COLQ: variants seen among roughly 807,000 people sequenced by gnomAD.
The protein encoded by COLQ is acetylcholinesterase collagenic tail peptide.
In COLQ, 48 loss-of-function variants were observed where a neutral mutation model predicts 69.0. The observed-to-expected ratio is 0.70, with a 90% CI of 0.55 to 0.88. The LOEUF (loss-of-function observed/expected upper bound fraction) is 0.88. COLQ is among the 40% of genes least tolerant of loss of function. The probability of loss-of-function intolerance (pLI) is 0.00; values close to 1 mark genes in which losing one functional copy is unlikely to be tolerated. For synonymous variants in COLQ, 217 were observed against 211.2 expected (o/e 1.03, Z -0.24); for missense variants, 618 against 594.6 (o/e 1.04, Z -0.41).
intron 15 of COLQ, 45 bp from the exon 16 acceptor site, chr3:15,453,976 G>C (rs75838637): frequency 2.9e-6 from 4 of 1,380,850 alleles, no homozygotes; most frequent in Non-Finnish European, 3.0e-6. Flanking sequence ...GAGCAGAGGC[G>C]ATAGGCTTGC....
chr3:15,489,025 T>C (rs1010378163), intron 2 of COLQ, among the ~76,000 whole-genome samples: 1 of 152,236 alleles, frequency 6.6e-6, no homozygotes, highest in Non-Finnish European at 1.5e-5. Context: ...CTAATCTTGC[T>C]CTTTTCCTCA....
Position 15,474,958 on chromosome 3 carries a change from G to T in COLQ, c.529-7C>A, listed in dbSNP as rs1158869923. On this transcript the variant is annotated splice_region_variant and splice_polypyrimidine_tract_variant and intron_variant, in intron 7 of 16. Transcript: ENST00000383788. Reference sequence around the variant, plus strand: ...CTCTGGATCCAGGGTAGCCCTAAAAGAAAGCAGAAGGTACATTTACAATCA... The same window carrying T: ...CTCTGGATCCAGGGTAGCCCTAAAATAAAGCAGAAGGTACATTTACAATCA... 2 of 1,614,108 alleles carry T rather than the reference G, an allele frequency of 1.2e-6. No individual in the cohort carries two copies. Among genetic ancestry groups the T allele is most frequent in the Admixed American group, 3.3e-5 (2 of 60,030 alleles).
intron 1 of COLQ, among the ~76,000 whole-genome samples, chr3:15,501,759 C>T (rs1452521470): frequency 6.6e-6 from 1 of 152,210 alleles, no homozygotes; most frequent in Non-Finnish European, 1.5e-5. Flanking sequence ...ACCTGGTCTG[C>T]CTTCAGCAAG....
At chr3:15,459,544 T>C (rs1016940200) in intron 12 of COLQ, among the ~76,000 whole-genome samples, 3 of 149,888 alleles carry the variant, frequency 2.0e-5, no homozygotes, top group African/African-American at 7.4e-5. Context: ...AGTGGTGTAA[T>C]CTCAGCTCAC....
intron 1 of COLQ, among the ~76,000 whole-genome samples, chr3:15,521,271 G>A (rs1349747823): frequency 3.3e-5 from 5 of 152,204 alleles, no homozygotes; most frequent in African/African-American, 1.2e-4. Context: ...GAGAATAGGG[G>A]AGGCAGAAAC....
Position 15,451,481 on chromosome 3 carries a change from T to G in COLQ, c.*163A>C. 1 of 765,684 alleles carries G rather than the reference T, an allele frequency of 1.3e-6. No homozygotes were observed. Among genetic ancestry groups the G allele is most frequent in the Non-Finnish European group, 2.4e-6 (1 of 419,674 alleles). 47.4% of individuals were successfully genotyped at this position (765,684 alleles called of 1,614,324 possible). A position where few individuals can be genotyped will look rare whatever the true frequency, so the allele number is the denominator to read the frequency against. ...ACAGGATGCAGTGGTCCTAAATTCT[T>G]CCAGTCAGACTGAGTTAACAGCATG... is the stretch of plus-strand genomic sequence containing the variant. On this transcript the variant is annotated 3_prime_UTR_variant, in exon 17 of 17. Transcript: ENST00000383788.
At chr3:15,488,638 C>T (rs1020239746) in intron 2 of COLQ, among the ~76,000 whole-genome samples, 11 of 152,222 alleles carry the variant, frequency 7.2e-5, no homozygotes, top group African/African-American at 2.6e-4. Context: ...AAGAGCAACA[C>T]TGTAATTTTA....
At chr3:15,506,218 T>G (rs1420945030) in intron 1 of COLQ, among the ~76,000 whole-genome samples, 1 of 152,246 alleles carries the variant, frequency 6.6e-6, no homozygotes, top group African/African-American at 2.4e-5. Context: ...TCTACCAATC[T>G]GGAAACTCTC....
At chr3:15,520,117 G>A (rs1180052888) in intron 1 of COLQ, among the ~76,000 whole-genome samples, 1 of 152,188 alleles carries the variant, frequency 6.6e-6, no homozygotes, top group African/African-American at 2.4e-5. Flanking sequence ...ACCCAAACAT[G>A]ATTAAGAACC....
intron 12 of COLQ, among the ~76,000 whole-genome samples, chr3:15,462,190 G>A (rs564452260): frequency 9.2e-5 from 14 of 151,766 alleles, no homozygotes; most frequent in Admixed American, 2.0e-4. Flanking sequence ...TACCATGCCC[G>A]GCTAATTTTT....
At chr3:15,480,887 G>A (rs930916383) in intron 3 of COLQ, among the ~76,000 whole-genome samples, 1 of 152,202 alleles carries the variant, frequency 6.6e-6, no homozygotes, top group Admixed American at 6.5e-5. Flanking sequence ...ACTGGTGTGA[G>A]ATATCTCATT....
At chr3:15,481,483 T>C (rs2062482765) in intron 3 of COLQ, among the ~76,000 whole-genome samples, 1 of 152,244 alleles carries the variant, frequency 6.6e-6, no homozygotes, top group Non-Finnish European at 1.5e-5. Context: ...CCTTTCCCCA[T>C]TTCTTGCTTT....
intron 12 of COLQ, among the ~76,000 whole-genome samples, chr3:15,463,720 A>C (rs529414773): frequency 2.6e-5 from 4 of 152,114 alleles, no homozygotes; most frequent in Admixed American, 2.6e-4. Context: ...ACTCAGGCCA[A>C]GCTCTCAGTC....
At chr3:15,504,036 T>C (rs1220285611) in intron 1 of COLQ, among the ~76,000 whole-genome samples, 1 of 152,126 alleles carries the variant, frequency 6.6e-6, no homozygotes, top group South Asian at 2.1e-4. Flanking sequence ...AATCTCTGAT[T>C]ATCCCGACCA....
At chr3:15,489,442 G>A in intron 2 of COLQ, 83 bp downstream of exon 2, 1 of 1,263,784 alleles carries the variant, frequency 7.9e-7, no homozygotes, top group South Asian at 1.2e-5. Flanking sequence ...AGCTCAGGTG[G>A]AGTGGGGCAG....
chr3:15,471,726 T>C (rs1217759894), intron 10 of COLQ, among the ~76,000 whole-genome samples: 1 of 152,220 alleles, frequency 6.6e-6, no homozygotes, highest in African/African-American at 2.4e-5. Flanking sequence ...TCTGAAATTA[T>C]CTGTCAGCTC....
At chr3:15,505,952 A>G (rs1293059392) in intron 1 of COLQ, among the ~76,000 whole-genome samples, 1 of 151,460 alleles carries the variant, frequency 6.6e-6, no homozygotes, top group Non-Finnish European at 1.5e-5. Flanking sequence ...CCCCCATCCC[A>G]CCTCCAGGAT....
chr3:15,506,583 A>G (rs1285238817), intron 1 of COLQ: 1 of 152,196 alleles, frequency 6.6e-6, no homozygotes, highest in South Asian at 2.1e-4. Flanking sequence ...TATTATACAT[A>G]TGATACTCCC....
chr3:15,480,213 G>A (rs956641932), intron 3 of COLQ, among the ~76,000 whole-genome samples: 5 of 152,112 alleles, frequency 3.3e-5, no homozygotes, highest in Non-Finnish European at 5.9e-5. Context: ...TTAAGTTCTA[G>A]GGTACATGTG....
Sources: allele counts gnomAD v4.1 joint callset (sites outside exome capture counted in the v4.1 genomes callset), GRCh38; gene constraint gnomAD v4.1.1; transcripts MANE v1.5; gene names NCBI Gene and HGNC (gene_info 2026-07-23, HGNC 2026-07-21).